The following MYOM2 variants were observed in gnomAD, a reference collection of about 807,000 sequenced individuals.
The protein encoded by MYOM2 is myomesin-2.
Under a neutral mutation model 187.6 loss-of-function variants are expected in MYOM2, and 254 were observed. The observed-to-expected ratio is 1.35, with a 90% CI of 1.22 to 1.50. The LOEUF (loss-of-function observed/expected upper bound fraction) is 1.50. Ranked by LOEUF, MYOM2 falls within the 40% of genes most tolerant of loss-of-function variation. The pLI is 0.00. For synonymous variants in MYOM2, 981 were observed against 753.8 expected (o/e 1.30, Z -4.94); for missense variants, 2,796 against 1,924.0 (o/e 1.45, Z -8.48).
At chr8:2,069,650 C>T (rs1394085693) in intron 8 of MYOM2, among the ~76,000 whole-genome samples, 153 bp downstream of exon 8, 3 of 151,696 alleles carry the variant, frequency 2.0e-5, no homozygotes, top group Non-Finnish European at 2.9e-5. Context: ...GGTGCCATCT[C>T]GGCTCACCAT....
At chr8:2,110,531 T>A (rs1275209813) in intron 25 of MYOM2, among the ~76,000 whole-genome samples, 2 of 152,162 alleles carry the variant, frequency 1.3e-5, no homozygotes, top group Non-Finnish European at 2.9e-5. Flanking sequence ...ACAGCCCTAT[T>A]TCATGGGGAC....
chr8:2,138,332 C>T (rs939307464), intron 32 of MYOM2, among the ~76,000 whole-genome samples: 3 of 152,220 alleles, frequency 2.0e-5, no homozygotes, highest in African/African-American at 7.2e-5. Flanking sequence ...GCTCCCCAGG[C>T]AGCCCATGCT....
At chr8:2,125,289 T>C (rs1348570301) in intron 31 of MYOM2, among the ~76,000 whole-genome samples, 1 of 152,220 alleles carries the variant, frequency 6.6e-6, no homozygotes, top group Non-Finnish European at 1.5e-5. Flanking sequence ...AAAGCGCCAA[T>C]TTCACTCTTC....
At chr8:2,121,193 A>G (rs1423297726) in intron 28 of MYOM2, among the ~76,000 whole-genome samples, 3 of 152,186 alleles carry the variant, frequency 2.0e-5, no homozygotes, top group Non-Finnish European at 4.4e-5. Flanking sequence ...TTTAGACATC[A>G]GCACTGCAAA....
intron 25 of MYOM2, among the ~76,000 whole-genome samples, chr8:2,114,888 A>G (rs1437839571): frequency 1.3e-5 from 2 of 152,174 alleles, no homozygotes; most frequent in Non-Finnish European, 2.9e-5. Flanking sequence ...ACAAATTTAT[A>G]TACTGCTACA....
intron 1 of MYOM2, among the ~76,000 whole-genome samples, chr8:2,045,974 A>G (rs1818299552): frequency 6.6e-6 from 1 of 152,194 alleles, no homozygotes; most frequent in African/African-American, 2.4e-5. Flanking sequence ...GTAAAACAGG[A>G]CTCAAAGAAA....
At chr8:2,061,771 T>C (rs1014224217) in intron 6 of MYOM2, among the ~76,000 whole-genome samples, 1 of 152,252 alleles carries the variant, frequency 6.6e-6, no homozygotes, top group South Asian at 2.1e-4. Flanking sequence ...TTTCTCCAGA[T>C]AAATCCGGGT....
intron 6 of MYOM2, among the ~76,000 whole-genome samples, chr8:2,067,220 A>G (rs753776920): frequency 6.6e-6 from 1 of 152,200 alleles, no homozygotes; most frequent in Non-Finnish European, 1.5e-5. Context: ...TAAAATTACT[A>G]ATGACTTCGC....
At chr8:2,132,557 A>C (rs1797912116) in intron 32 of MYOM2, among the ~76,000 whole-genome samples, 1 of 152,118 alleles carries the variant, frequency 6.6e-6, no homozygotes, top group African/African-American at 2.4e-5. Context: ...GTATCTCAGA[A>C]ACTAAAGAAA....
chr8:2,063,686 C>A (rs548180178), intron 6 of MYOM2, among the ~76,000 whole-genome samples: 1 of 152,176 alleles, frequency 6.6e-6, no homozygotes. Context: ...AGCGTCATCA[C>A]CACTTATAAT....
chr8:2,142,307 C>T (rs186769461), intron 34 of MYOM2, 68 bp from the exon 35 acceptor site: 4 of 1,463,928 alleles, frequency 2.7e-6, no homozygotes, highest in Middle Eastern at 1.7e-4. Flanking sequence ...CTCAGCTGTG[C>T]ATTTTGTTGG....
chr8:2,108,288 C>CTT (rs35483575), intron 23 of MYOM2, among the ~76,000 whole-genome samples: 1 of 144,090 alleles, frequency 6.9e-6, no homozygotes, highest in African/African-American at 2.5e-5. Flanking sequence ...TTCTTCTTTC[C>CTT]TTTTTTTTTT....
chr8:2,125,290 T>G (rs574832037), intron 31 of MYOM2, among the ~76,000 whole-genome samples: 13 of 152,344 alleles, frequency 8.5e-5, no homozygotes, highest in African/African-American at 3.1e-4. Context: ...AAGCGCCAAT[T>G]TCACTCTTCT....
chr8:2,100,145 C>T (rs6991789), intron 19 of MYOM2, among the ~76,000 whole-genome samples: 29 of 135,400 alleles, frequency 2.1e-4, no homozygotes, highest in African/African-American at 7.0e-4. Flanking sequence ...TCCTTCCTTC[C>T]TTCCTTCCTT....
At chr8:2,124,464 T>A (rs764054722) in intron 31 of MYOM2, among the ~76,000 whole-genome samples, 8 of 152,224 alleles carry the variant, frequency 5.3e-5, no homozygotes, top group Non-Finnish European at 7.3e-5. Flanking sequence ...ATTAGCCACT[T>A]CTTCCATCCT....
At chr8:2,124,737 T>C (rs577020575) in intron 31 of MYOM2, among the ~76,000 whole-genome samples, 226 of 152,282 alleles carry the variant, frequency 1.5e-3, no homozygotes, top group African/African-American at 5.2e-3. Context: ...AGTGTTCCTT[T>C]CTCTGCTTGC....
chr8:2,114,145 G>A (rs1055843660), intron 25 of MYOM2, among the ~76,000 whole-genome samples: 1 of 152,208 alleles, frequency 6.6e-6, no homozygotes, highest in East Asian at 1.9e-4. Context: ...CGACAAGGAT[G>A]GGCAGAAGCT....
chr8:2,086,534 G>GATCTCCGCATGGCCCCCCAC (rs1796080907), intron 14 of MYOM2, among the ~76,000 whole-genome samples: 1 of 150,400 alleles, frequency 6.6e-6, no homozygotes, highest in South Asian at 2.1e-4. Flanking sequence ...ACACTGTCGT[G>GATCTCCGCATGGCCCCCCAC]TTTGCTGTGT....
chr8:2,053,225 A>G (rs1351201743), intron 3 of MYOM2, among the ~76,000 whole-genome samples: 1 of 152,254 alleles, frequency 6.6e-6, no homozygotes, highest in East Asian at 1.9e-4. Flanking sequence ...ATGTATAGCC[A>G]AGAAGGTTAA....
Sources: allele counts gnomAD v4.1 joint callset (sites outside exome capture counted in the v4.1 genomes callset), GRCh38; gene constraint gnomAD v4.1.1; transcripts MANE v1.5; gene names NCBI Gene and HGNC (gene_info 2026-07-23, HGNC 2026-07-21).